Variants in FIRRM observed in about 807,000 individuals in gnomAD.
FIRRM encodes FIGNL1 interacting regulator of recombination and mitosis.
chr1:169,793,845 G>T, the FIRRM span: 1 of 572,326 alleles, frequency 1.7e-6, no homozygotes, highest in Non-Finnish European at 2.8e-6. Context: ...CAAATATTTA[G>T]AGATATTTCC....
At chr1:169,851,774 C>CTAA in the FIRRM span, 1 of 1,601,684 alleles carries the variant, frequency 6.2e-7, no homozygotes, top group Non-Finnish European at 8.5e-7. Context: ...TAGTAGAGTG[C>CTAA]TAACATGTTG....
chr1:169,847,341 G>GAC, the FIRRM span, among the ~76,000 whole-genome samples: 1 of 110,972 alleles, frequency 9.0e-6, no homozygotes, highest in Non-Finnish European at 1.9e-5. Flanking sequence ...AAAAAAAAAA[G>GAC]CAGTATCTTC....
the FIRRM span, chr1:169,827,911 A>C: frequency 5.3e-6 from 8 of 1,522,018 alleles, no homozygotes; most frequent in Non-Finnish European, 6.2e-6. Flanking sequence ...AATGGTCTTG[A>C]AATTAAGTTT....
At chr1:169,807,974 C>G in the FIRRM span, 1,543 of 1,563,842 alleles carry the variant, frequency 9.9e-4, 10 homozygotes, top group Non-Finnish European at 2.6e-4. Context: ...CTCTTATTTT[C>G]TTTGGCAGTT....
the FIRRM span, chr1:169,850,641 C>T: frequency 2.2e-4 from 48 of 222,774 alleles, no homozygotes; most frequent in South Asian, 3.4e-3. Flanking sequence ...ACTAAAAATA[C>T]AAAAATTAGC....
At chr1:169,831,717 G>A in the FIRRM span, among the ~76,000 whole-genome samples, 1 of 152,146 alleles carries the variant, frequency 6.6e-6, no homozygotes, top group African/African-American at 2.4e-5. Flanking sequence ...TATTATGATA[G>A]GAATTGATAA....
At chr1:169,835,601 A>G in the FIRRM span, among the ~76,000 whole-genome samples, 2 of 152,160 alleles carry the variant, frequency 1.3e-5, no homozygotes, top group African/African-American at 4.8e-5. Flanking sequence ...TTTATGAACT[A>G]TTTTGTCATA....
chr1:169,802,571 T>G, the FIRRM span: 3 of 1,306,054 alleles, frequency 2.3e-6, no homozygotes, highest in Non-Finnish European at 3.3e-6. Flanking sequence ...TGTCTTGTCT[T>G]TTCTAGTGAT....
chr1:169,847,010 G>T, the FIRRM span, among the ~76,000 whole-genome samples: 1 of 152,026 alleles, frequency 6.6e-6, no homozygotes, highest in Non-Finnish European at 1.5e-5. Flanking sequence ...TTTTAATATT[G>T]TGTCTCAGGG....
the FIRRM span, among the ~76,000 whole-genome samples, chr1:169,805,537 A>G: frequency 1.3e-5 from 2 of 152,212 alleles, no homozygotes; most frequent in Non-Finnish European, 2.9e-5. Context: ...TCATTGTAGA[A>G]AAGTGTGGAT....
At chr1:169,808,898 C>G in the FIRRM span, among the ~76,000 whole-genome samples, 72 of 152,226 alleles carry the variant, frequency 4.7e-4, no homozygotes, top group African/African-American at 1.7e-3. Context: ...CGCGCCCAGC[C>G]TATATGTAAT....
chr1:169,799,377 CT>C, the FIRRM span, among the ~76,000 whole-genome samples: 21 of 152,246 alleles, frequency 1.4e-4, no homozygotes, highest in East Asian at 3.7e-3. Context: ...AGGAAGTTGA[CT>C]TTCTCATTTT....
chr1:169,797,884 T>C, the FIRRM span, among the ~76,000 whole-genome samples: 105,097 of 152,134 alleles, frequency 0.69, 37,996 homozygotes, highest in African/African-American at 0.91. Context: ...ATGATTCTTA[T>C]GGTGTTGTTA....
the FIRRM span, among the ~76,000 whole-genome samples, chr1:169,841,865 T>A: frequency 6.6e-6 from 1 of 152,116 alleles, no homozygotes; most frequent in African/African-American, 2.4e-5. Flanking sequence ...AACTTTGGGT[T>A]ACCAACATTT....
the FIRRM span, chr1:169,795,462 T>C: frequency 7.7e-7 from 1 of 1,298,290 alleles, no homozygotes; most frequent in Non-Finnish European, 9.8e-7. Flanking sequence ...GTTTTAGCAG[T>C]GGATGTGGCG....
At chr1:169,790,675 T>C in the FIRRM span, among the ~76,000 whole-genome samples, 1 of 152,198 alleles carries the variant, frequency 6.6e-6, no homozygotes, top group Non-Finnish European at 1.5e-5. Context: ...CTAATTCTCT[T>C]GGAGAATTGA....
the FIRRM span, among the ~76,000 whole-genome samples, chr1:169,817,949 A>C: frequency 1.1e-5 from 1 of 91,270 alleles, no homozygotes; most frequent in African/African-American, 4.9e-5. Context: ...ATGTTCACAC[A>C]GATTTTTTTT....
chr1:169,800,715 CT>C, the FIRRM span, among the ~76,000 whole-genome samples: 58 of 136,866 alleles, frequency 4.2e-4, no homozygotes, highest in Non-Finnish European at 5.6e-4. Context: ...TCCTTTCTCT[CT>C]TTTTTTTTTT....
chr1:169,818,751 A>T, the FIRRM span, among the ~76,000 whole-genome samples: 1 of 152,160 alleles, frequency 6.6e-6, no homozygotes, highest in Non-Finnish European at 1.5e-5. Flanking sequence ...CAATGGCATG[A>T]TCTTAGCTCA....
Sources: gnomAD v4.1 joint callset for allele counts (sites outside exome capture counted in the v4.1 genomes callset) on GRCh38, gnomAD v4.1.1 for gene constraint, MANE v1.5 for transcripts, NCBI Gene and HGNC (gene_info 2026-07-23, HGNC 2026-07-21) for gene names.